Variants in SLC8A1 observed in about 807,000 individuals in gnomAD.
SLC8A1 encodes solute carrier family 8 member A1, also known as sodium/calcium exchanger 1.
In SLC8A1, 18 loss-of-function variants were observed where a neutral mutation model predicts 68.3. That is an observed-to-expected ratio of 0.26 (90% CI 0.18 to 0.39). The LOEUF (loss-of-function observed/expected upper bound fraction) is 0.39. SLC8A1 is among the 10% of genes least tolerant of loss of function. The pLI, the probability that SLC8A1 is intolerant of heterozygous loss-of-function variation, is 1.00. For missense variants in SLC8A1, 985 were observed against 1,156.7 expected, an observed-to-expected ratio of 0.85 and a Z score of 2.15; for synonymous variants, 475 against 415.5, an observed-to-expected ratio of 1.14 and a Z score of -1.74.
At chr2:40,405,063 G>C (rs1475540568) in intron 2 of SLC8A1, among the ~76,000 whole-genome samples, 2 of 152,088 alleles carry the variant, frequency 1.3e-5, no homozygotes, top group Non-Finnish European at 2.9e-5. Context: ...AGCCCCATAG[G>C]ATGTAATTCA....
chr2:40,436,860 G>A (rs569564961), intron 1 of SLC8A1, among the ~76,000 whole-genome samples: 3 of 152,136 alleles, frequency 2.0e-5, no homozygotes, highest in African/African-American at 7.2e-5. Flanking sequence ...GATAATCTTG[G>A]GCTCCATGTG....
Position 40,429,311 on chromosome 2 carries a change from G to A in SLC8A1, c.970C>T (p.Arg324Ter). ...TCCTTCAGAATCCTAGCCATTTCTCGCCTAGCTTCTTCATCATCTTGGTCC... is the reference window on the plus strand; with the variant it reads ...TCCTTCAGAATCCTAGCCATTTCTCACCTAGCTTCTTCATCATCTTGGTCC... Residue 324 changes from arginine (R) to a stop codon, truncating the protein, a stop_gained, in exon 2 of 8, where the codon CGA (arginine) becomes TGA (stop). Coordinates refer to ENST00000406785, the Ensembl canonical transcript of SLC8A1. LOFTEE classifies it high-confidence loss of function. 2.5e-6 allele frequency: 4 copies of A among 1,613,654 alleles called. No individual in the cohort carries two copies. Among genetic ancestry groups the A allele is most frequent in the Non-Finnish European group, 2.5e-6 (3 of 1,179,888 alleles).
rs117742988 is a variant in SLC8A1, at chr2:40,186,695, C to T, written c.1809-8840G>A. ...TTGAGAGAATTAATCCAGAAGTCAA[C>T]ATTACCCAGGTTTGTAACTTGGCTC... On this transcript the variant is annotated intron_variant, in intron 2 of 7. Coordinates refer to ENST00000406785, the Ensembl canonical transcript of SLC8A1. 1.1e-3 allele frequency among the ~76,000 whole-genome samples: 160 copies of T among 152,228 alleles called. 1 individual carries two copies. The highest frequency in any genetic ancestry group is 2.7e-3 in the East Asian group (14 of 5,176).
chr2:40,448,220 T>C (rs942094323), intron 1 of SLC8A1, among the ~76,000 whole-genome samples: 4 of 152,178 alleles, frequency 2.6e-5, no homozygotes, highest in African/African-American at 4.8e-5. Flanking sequence ...AAACGTATTT[T>C]GTAATGTATA....
In SLC8A1 at chr2:40,375,888, G is replaced by T. The variant is rs918890135; in HGVS notation, c.1808+52585C>A. Among the ~76,000 whole-genome samples, 7 of 152,058 alleles carry T rather than the reference G, an allele frequency of 4.6e-5. No individual in the cohort carries two copies. The East Asian group carries it at 1.4e-3, about 29-fold the overall frequency. ...GCAGTGGTGCACACCTGTAGTTTCAGCTACTCAGAGGCTGACATGGGAGAG... is the reference window on the plus strand; with the variant it reads ...GCAGTGGTGCACACCTGTAGTTTCATCTACTCAGAGGCTGACATGGGAGAG... On this transcript the variant is annotated intron_variant, in intron 2 of 7. Transcript: ENST00000406785.
rs1418745869 is a variant in SLC8A1 at position 40,253,643 on chromosome 2, T to A, written c.1809-75788A>T. 2.0e-5 allele frequency among the ~76,000 whole-genome samples: 3 copies of A among 150,040 alleles called. No individual in the cohort carries two copies. The East Asian group carries it at 5.8e-4, about 29-fold the overall frequency. On this transcript the variant is annotated intron_variant, in intron 2 of 7. Transcript: ENST00000406785. ...GAGTTCGAGGCCAGCCTGACCAACA[T>A]GGTGAAACCCTATCTCTACTAAAAA...
At chr2:40,143,112 T>C (rs1259235656) in intron 6 of SLC8A1, among the ~76,000 whole-genome samples, 1 of 152,194 alleles carries the variant, frequency 6.6e-6, no homozygotes, top group African/African-American at 2.4e-5. Flanking sequence ...CCCATCCTTT[T>C]CTCTGGGATC....
chr2:40,451,581 C>T lies in SLC8A1; in HGVS notation c.-25+323G>A, dbSNP rs1702492370. ...TGAATCCTCAGAGCCCAGCGCGGTG[C>T]AGGGTGCAGCATCTCTCCTTAGCAG... On this transcript the variant is annotated intron_variant, in intron 1 of 7. Coordinates refer to ENST00000406785, the Ensembl canonical transcript of SLC8A1. 2.0e-5 allele frequency among the ~76,000 whole-genome samples: 3 copies of T among 152,146 alleles called. No individual in the cohort carries two copies. The South Asian group carries it at 6.2e-4, about 31-fold the overall frequency.
At chr2:40,145,418 G>T (rs991054827) in intron 6 of SLC8A1, among the ~76,000 whole-genome samples, 4 of 152,154 alleles carry the variant, frequency 2.6e-5, no homozygotes, top group Non-Finnish European at 5.9e-5. Context: ...AAAGTGGCCT[G>T]AATCATCACA....
At chr2:40,200,245 T>A (rs1169495276) in intron 2 of SLC8A1, among the ~76,000 whole-genome samples, 3 of 16,840 alleles carry the variant, frequency 1.8e-4, no homozygotes, top group African/African-American at 3.0e-4. Context: ...TATAAATATA[T>A]ATATATATAT....
intron 2 of SLC8A1, among the ~76,000 whole-genome samples, chr2:40,199,483 C>A (rs2053726792): frequency 6.6e-6 from 1 of 151,370 alleles, no homozygotes; most frequent in Admixed American, 6.6e-5. Context: ...ACTCTGGCAA[C>A]CAATAGGATT....
chr2:40,399,996 A>G (rs143391536), intron 2 of SLC8A1, among the ~76,000 whole-genome samples: 10,846 of 152,250 alleles, frequency 0.071, 516 homozygotes, highest in African/African-American at 0.13. Flanking sequence ...TTGTATAGAA[A>G]AGCACTGTGA....
At chr2:40,418,181 T>C (rs1694438545) in intron 2 of SLC8A1, among the ~76,000 whole-genome samples, 2 of 152,226 alleles carry the variant, frequency 1.3e-5, no homozygotes, top group Non-Finnish European at 2.9e-5. Context: ...CTAGATATTG[T>C]CAGATAAATA....
intron 2 of SLC8A1, among the ~76,000 whole-genome samples, chr2:40,390,326 A>G (rs1684880804): frequency 6.6e-6 from 1 of 151,896 alleles, no homozygotes; most frequent in African/African-American, 2.4e-5. Context: ...TTAACTTTCA[A>G]TTGTGGATAA....
intron 2 of SLC8A1, among the ~76,000 whole-genome samples, chr2:40,271,784 T>C (rs2066064592): frequency 6.6e-6 from 1 of 152,228 alleles, no homozygotes. Flanking sequence ...TCTACCCTTC[T>C]TTCCCCAGTG....
chr2:40,153,848 C>G (rs1010390075), intron 6 of SLC8A1, among the ~76,000 whole-genome samples: 1 of 152,176 alleles, frequency 6.6e-6, no homozygotes, highest in Non-Finnish European at 1.5e-5. Context: ...AGGACTGATT[C>G]TATTCTTCCT....
At chr2:40,443,970 G>C (rs1426275701) in intron 1 of SLC8A1, among the ~76,000 whole-genome samples, 1 of 152,096 alleles carries the variant, frequency 6.6e-6, no homozygotes, top group Admixed American at 6.6e-5. Flanking sequence ...ATGCTTTGAT[G>C]GTTATCTTCC....
chr2:40,276,629 AG>A (rs1412633202), intron 2 of SLC8A1, among the ~76,000 whole-genome samples: 2 of 152,220 alleles, frequency 1.3e-5, no homozygotes, highest in African/African-American at 4.8e-5. Context: ...AGAAATATTA[AG>A]GGAGGTTGCA....
intron 6 of SLC8A1, among the ~76,000 whole-genome samples, chr2:40,152,261 G>A (rs2043575162): frequency 6.6e-6 from 1 of 152,122 alleles, no homozygotes. Context: ...ATAAATTCTG[G>A]TGCAGCAAAC....
Sources: gnomAD v4.1 joint callset for allele counts (sites outside exome capture counted in the v4.1 genomes callset) on GRCh38, gnomAD v4.1.1 for gene constraint, MANE v1.5 for transcripts, NCBI Gene and HGNC (gene_info 2026-07-23, HGNC 2026-07-21) for gene names.